The following CNTN4 variants were observed in gnomAD, a reference collection of about 807,000 sequenced individuals.
The protein encoded by CNTN4 is contactin-4.
In CNTN4, 77 loss-of-function variants were observed where a neutral mutation model predicts 122.5. The observed-to-expected ratio is 0.63, with a 90% CI of 0.52 to 0.76. The LOEUF is 0.76. CNTN4 is among the 30% of genes least tolerant of loss of function. CNTN4 has a pLI of 0.00. For missense variants in CNTN4, 1,256 were observed against 1,259.1 expected, an observed-to-expected ratio of 1.00 and a Z score of 0.04; for synonymous variants, 512 against 447.0, an observed-to-expected ratio of 1.15 and a Z score of -1.83.
chr3:2,267,829 T>C (rs1008509745), intron 2 of CNTN4, among the ~76,000 whole-genome samples: 3 of 152,088 alleles, frequency 2.0e-5, no homozygotes, highest in Admixed American at 2.0e-4. Context: ...GAACTTTCTA[T>C]CTTTTCATCA....
chr3:2,131,548 A>G (rs2125280597), intron 2 of CNTN4, among the ~76,000 whole-genome samples: 1 of 152,268 alleles, frequency 6.6e-6, no homozygotes, highest in African/African-American at 2.4e-5. Context: ...GCTAGGGTAA[A>G]GTGGGGTGTC....
At chr3:2,735,992 G>A (rs779296902) in intron 4 of CNTN4, 2 of 657,236 alleles carry the variant, frequency 3.0e-6, no homozygotes, top group Non-Finnish European at 2.9e-6. Flanking sequence ...AGTAAAATTA[G>A]TGACCAATGT....
intron 13 of CNTN4, among the ~76,000 whole-genome samples, chr3:2,975,522 C>A (rs181349586): frequency 1.3e-5 from 2 of 152,302 alleles, no homozygotes; most frequent in Non-Finnish European, 2.9e-5. Flanking sequence ...CAACAGCACC[C>A]AATAGGATGT....
intron 2 of CNTN4, among the ~76,000 whole-genome samples, chr3:2,270,137 G>C (rs2041228039): frequency 1.2e-5 from 1 of 83,810 alleles, no homozygotes; most frequent in African/African-American, 3.7e-5. Context: ...TTTTAGTAGA[G>C]ACGGGGTTTC....
At chr3:2,748,028 C>T (rs2089891253) in intron 6 of CNTN4, among the ~76,000 whole-genome samples, 1 of 152,182 alleles carries the variant, frequency 6.6e-6, no homozygotes, top group Non-Finnish European at 1.5e-5. Flanking sequence ...AATTAATCCA[C>T]AGCCATCTTC....
chr3:2,299,948 G>C (rs1294761053), intron 2 of CNTN4, among the ~76,000 whole-genome samples: 3 of 152,076 alleles, frequency 2.0e-5, no homozygotes, highest in Non-Finnish European at 4.4e-5. Flanking sequence ...ACATCAAATT[G>C]TTTGTCAGGG....
At chr3:2,509,765 C>A (rs1011001894) in intron 3 of CNTN4, among the ~76,000 whole-genome samples, 1 of 152,116 alleles carries the variant, frequency 6.6e-6, no homozygotes, top group East Asian at 1.9e-4. Flanking sequence ...CACATTTTTT[C>A]ACAAAAGATA....
At chr3:2,745,900 A>G (rs1343453000) in intron 6 of CNTN4, among the ~76,000 whole-genome samples, 1 of 152,186 alleles carries the variant, frequency 6.6e-6, no homozygotes, top group Non-Finnish European at 1.5e-5. Context: ...TTCTACTTCG[A>G]TAAGGATTGA....
intron 3 of CNTN4, among the ~76,000 whole-genome samples, chr3:2,353,381 C>T (rs564737337): frequency 3.3e-5 from 5 of 152,144 alleles, no homozygotes; most frequent in Non-Finnish European, 5.9e-5. Context: ...AAGCAGGCTG[C>T]CCGATCCCTG....
At chr3:2,404,931 G>A (rs1056640590) in intron 3 of CNTN4, among the ~76,000 whole-genome samples, 3 of 152,114 alleles carry the variant, frequency 2.0e-5, no homozygotes, top group Middle Eastern at 3.4e-3. Context: ...CCATTTCTTC[G>A]ATAAGAAAGT....
intron 4 of CNTN4, among the ~76,000 whole-genome samples, chr3:2,714,727 GTTTA>G (rs1280485006): frequency 6.6e-6 from 1 of 152,060 alleles, no homozygotes; most frequent in Non-Finnish European, 1.5e-5. Flanking sequence ...AAATGTCGTC[GTTTA>G]TTTATGTATT....
rs142757928 is a variant in CNTN4 at position 2,896,649 on chromosome 3, A to G, written c.941-4036A>G. On this transcript the variant is annotated intron_variant, in intron 10 of 24. Coordinates refer to ENST00000418658, the MANE Select transcript of CNTN4 (RefSeq NM_175607.3). ...TATTTCTCGTGCCAATACTAGGAAC[A>G]CTGAATTTGAGGTAATATGAGAATT... 6.2e-3 allele frequency among the ~76,000 whole-genome samples: 945 copies of G among 152,310 alleles called. 10 individuals are homozygous for G. Among genetic ancestry groups the G allele is most frequent in the African/African-American group, 0.022 (900 of 41,566 alleles).
chr3:2,354,856 C>T (rs932615522), intron 3 of CNTN4, among the ~76,000 whole-genome samples: 1 of 152,190 alleles, frequency 6.6e-6, no homozygotes, highest in African/African-American at 2.4e-5. Context: ...TCCCACTTGA[C>T]AAGCAGGCAT....
intron 6 of CNTN4, among the ~76,000 whole-genome samples, chr3:2,798,473 T>C (rs1244816351): frequency 6.6e-6 from 1 of 151,984 alleles, no homozygotes; most frequent in Non-Finnish European, 1.5e-5. Context: ...TCTTTGCTAT[T>C]GTGAATAGGG....
At chr3:2,660,880 A>G (rs1260064314) in intron 4 of CNTN4, among the ~76,000 whole-genome samples, 1 of 152,246 alleles carries the variant, frequency 6.6e-6, no homozygotes, top group Non-Finnish European at 1.5e-5. Flanking sequence ...TGCTTTTGAA[A>G]GACAAAAGGA....
chr3:2,544,522 G>A (rs766351425), intron 3 of CNTN4, among the ~76,000 whole-genome samples: 4 of 152,064 alleles, frequency 2.6e-5, no homozygotes, highest in Admixed American at 6.6e-5. Flanking sequence ...AACAATATGA[G>A]TTTCTGTCCT....
intron 3 of CNTN4, among the ~76,000 whole-genome samples, chr3:2,345,795 C>A (rs1159915276): frequency 2.0e-5 from 3 of 152,188 alleles, no homozygotes; most frequent in Non-Finnish European, 4.4e-5. Context: ...GTGTGACCCT[C>A]TGATAGGCTA....
At chr3:2,784,304 A>G (rs952991680) in intron 6 of CNTN4, among the ~76,000 whole-genome samples, 3 of 152,182 alleles carry the variant, frequency 2.0e-5, no homozygotes, top group Non-Finnish European at 4.4e-5. Context: ...TGTTTTGAAA[A>G]CAATTTAATC....
intron 8 of CNTN4, among the ~76,000 whole-genome samples, chr3:2,878,522 G>T (rs2150946062): frequency 6.7e-6 from 1 of 150,178 alleles, no homozygotes; most frequent in Admixed American, 6.7e-5. Flanking sequence ...TATCCCTAAA[G>T]CAGGTAAGAG....
Sources: allele counts gnomAD v4.1 joint callset (sites outside exome capture counted in the v4.1 genomes callset), GRCh38; gene constraint gnomAD v4.1.1; transcripts MANE v1.5; gene names NCBI Gene and HGNC (gene_info 2026-07-23, HGNC 2026-07-21).